PPARGC1A: variants seen among roughly 807,000 people sequenced by gnomAD.
The protein encoded by PPARGC1A is PPARG coactivator 1 alpha, also known as peroxisome proliferator-activated receptor gamma coactivator 1-alpha.
In PPARGC1A, 25 loss-of-function variants were observed where a neutral mutation model predicts 88.7. That is an observed-to-expected ratio of 0.28 (90% confidence interval 0.21 to 0.39). The LOEUF (loss-of-function observed/expected upper bound fraction) is 0.39, where lower values mean the gene tolerates loss of function less well. PPARGC1A is among the 10% of genes least tolerant of loss of function. PPARGC1A has a pLI of 1.00. For missense variants in PPARGC1A, 880 were observed against 968.7 expected (o/e 0.91, Z 1.22); for synonymous variants, 363 against 355.6 (o/e 1.02, Z -0.24).
chr4:23,793,520 A>G lies in PPARGC1A; in HGVS notation c.*2302T>C, dbSNP rs1324996804. Reference sequence around the variant, plus strand: ...TTGGCCTGGGGGTGAAATCCATCTTACAAGATCGTGTTGGGCGAGAGAAAG... The same window carrying G: ...TTGGCCTGGGGGTGAAATCCATCTTGCAAGATCGTGTTGGGCGAGAGAAAG... On this transcript the variant is annotated 3_prime_UTR_variant, in exon 13 of 13. Transcript: ENST00000264867. 1.3e-5 allele frequency: 2 copies of G among 152,470 alleles called. No individual in the cohort carries two copies. Among genetic ancestry groups the G allele is most frequent in the Middle Eastern group, 3.2e-3 (1 of 316 alleles). The allele number at this position is 152,470 out of a possible 1,614,324, so 9.4% of individuals were successfully genotyped here. A position where few individuals can be genotyped will look rare whatever the true frequency, so the allele number is the denominator to read the frequency against.
the PPARGC1A span, among the ~76,000 whole-genome samples, chr4:24,056,107 T>C: frequency 1.7e-4 from 26 of 152,222 alleles, no homozygotes; most frequent in Admixed American, 1.7e-3. Flanking sequence ...TTTCCTAAAG[T>C]TTGCCAAGCT....
chr4:24,452,617 C>T, the PPARGC1A span, among the ~76,000 whole-genome samples: 3 of 152,176 alleles, frequency 2.0e-5, no homozygotes, highest in African/African-American at 7.2e-5. Flanking sequence ...ACCACCTGCC[C>T]TGGGTTGTTC....
the PPARGC1A span, among the ~76,000 whole-genome samples, chr4:24,408,357 A>G: frequency 7.3e-6 from 1 of 136,922 alleles, no homozygotes; most frequent in Admixed American, 7.0e-5. Context: ...TACTGCTTTG[A>G]AAAAAAAAAA....
the PPARGC1A span, among the ~76,000 whole-genome samples, chr4:23,920,845 C>T: frequency 6.6e-6 from 1 of 152,192 alleles, no homozygotes; most frequent in Non-Finnish European, 1.5e-5. Flanking sequence ...TTGGAAGTAG[C>T]AGGGAGGTTC....
chr4:24,457,127 T>C, the PPARGC1A span, among the ~76,000 whole-genome samples: 1 of 152,194 alleles, frequency 6.6e-6, no homozygotes, highest in Non-Finnish European at 1.5e-5. Flanking sequence ...TGCAGGATTA[T>C]GGCAAAGGAA....
At chr4:24,009,150 A>AAAAAAAAAAAAAGAG in the PPARGC1A span, among the ~76,000 whole-genome samples, 13 of 79,806 alleles carry the variant, frequency 1.6e-4, no homozygotes, top group African/African-American at 2.4e-4. Flanking sequence ...AAAAAAAAAA[A>AAAAAAAAAAAAAGAG]AGAGAGAGAA....
chr4:24,016,804 A>G, the PPARGC1A span, among the ~76,000 whole-genome samples: 1 of 152,204 alleles, frequency 6.6e-6, no homozygotes, highest in East Asian at 1.9e-4. Flanking sequence ...AAATTACACC[A>G]ATAGATCTAA....
chr4:23,876,270 C>T (rs755508774), intron 2 of PPARGC1A, among the ~76,000 whole-genome samples: 1 of 152,138 alleles, frequency 6.6e-6, no homozygotes, highest in Admixed American at 6.5e-5. Context: ...ATACAAAAGG[C>T]CTTAAAATTC....
chr4:24,087,781 G>C, the PPARGC1A span, among the ~76,000 whole-genome samples: 18 of 152,316 alleles, frequency 1.2e-4, no homozygotes, highest in African/African-American at 4.3e-4. Context: ...GGTTTTCCAG[G>C]ATGGTTATAT....
At chr4:24,082,429 C>G in the PPARGC1A span, among the ~76,000 whole-genome samples, 2 of 152,194 alleles carry the variant, frequency 1.3e-5, no homozygotes, top group Non-Finnish European at 2.9e-5. Context: ...GTCCCTTTGG[C>G]CAGTCATTTC....
At chr4:23,903,073 A>C (rs1476588914), upstream of PPARGC1A, among the ~76,000 whole-genome samples, 1 of 152,182 alleles carries the variant, frequency 6.6e-6, no homozygotes, top group Non-Finnish European at 1.5e-5. Context: ...AATTAATATC[A>C]ATCATATATT....
At chr4:23,940,741 G>GT in the PPARGC1A span, among the ~76,000 whole-genome samples, 78 of 152,196 alleles carry the variant, frequency 5.1e-4, no homozygotes, top group South Asian at 2.5e-3. Flanking sequence ...TGTTCTCTGG[G>GT]CTTTCTGACA....
chr4:24,412,899 A>T, the PPARGC1A span, among the ~76,000 whole-genome samples: 1 of 152,250 alleles, frequency 6.6e-6, no homozygotes. Context: ...TGCAAAGCAT[A>T]AAATATTTAC....
chr4:23,902,483 T>C (rs1253623217), upstream of PPARGC1A, among the ~76,000 whole-genome samples: 2 of 152,182 alleles, frequency 1.3e-5, no homozygotes, highest in Non-Finnish European at 2.9e-5. Context: ...CCCTATAAAA[T>C]CAGCAATCCC....
chr4:23,796,045 C>A, intron 12 of PPARGC1A, 120 bp from the exon 13 acceptor site: 1 of 744,244 alleles, frequency 1.3e-6, no homozygotes, highest in South Asian at 1.6e-5. Flanking sequence ...CTTTAGAAAA[C>A]AATAGTCAGA....
the PPARGC1A span, among the ~76,000 whole-genome samples, chr4:24,370,014 A>G: frequency 6.6e-6 from 1 of 152,224 alleles, no homozygotes; most frequent in Admixed American, 6.5e-5. Context: ...GCTTGGGGAT[A>G]ATAAGCCTCT....
chr4:24,117,105 T>A, the PPARGC1A span, among the ~76,000 whole-genome samples: 1 of 152,098 alleles, frequency 6.6e-6, no homozygotes, highest in East Asian at 1.9e-4. Flanking sequence ...AGGATTACAT[T>A]TGTACTGAGC....
the PPARGC1A span, among the ~76,000 whole-genome samples, chr4:24,437,783 G>A: frequency 2.0e-5 from 3 of 151,770 alleles, no homozygotes; most frequent in South Asian, 4.2e-4. Context: ...GGGATTACAG[G>A]CACCCACCAC....
the PPARGC1A span, among the ~76,000 whole-genome samples, chr4:24,425,186 G>A: frequency 2.6e-5 from 4 of 152,174 alleles, no homozygotes; most frequent in African/African-American, 9.6e-5. Flanking sequence ...TTTCTCTTAT[G>A]GAAGAAAAAA....
Sources: gnomAD v4.1 joint callset for allele counts (sites outside exome capture counted in the v4.1 genomes callset) on GRCh38, gnomAD v4.1.1 for gene constraint, MANE v1.5 for transcripts, NCBI Gene and HGNC (gene_info 2026-07-23, HGNC 2026-07-21) for gene names.